Variants in GPC6 observed in about 807,000 individuals in gnomAD.
GPC6 encodes glypican-6.
A neutral mutation model predicts 55.2 loss-of-function variants in GPC6; 14 were observed. The observed-to-expected ratio is 0.25, with a 90% CI of 0.17 to 0.40. GPC6 has a LOEUF of 0.40. GPC6 is among the 10% of genes least tolerant of loss of function. The pLI is 1.00. For synonymous variants in GPC6, 278 were observed against 259.6 expected (o/e 1.07, Z -0.68); for missense variants, 641 against 708.5 (o/e 0.90, Z 1.08).
chr13:93,692,841 A>C (rs1296596029), intron 2 of GPC6, among the ~76,000 whole-genome samples: 1 of 152,020 alleles, frequency 6.6e-6, no homozygotes, highest in Non-Finnish European at 1.5e-5. Flanking sequence ...CATCTCTCTT[A>C]ATTTTAATTC....
intron 6 of GPC6, among the ~76,000 whole-genome samples, chr13:94,311,613 G>A (rs1056170547): frequency 2.0e-5 from 3 of 152,202 alleles, no homozygotes; most frequent in African/African-American, 7.2e-5. Context: ...AATCCAGGCA[G>A]TGATAACACA....
chr13:93,380,448 G>C (rs1050972441), intron 1 of GPC6, among the ~76,000 whole-genome samples: 1 of 152,150 alleles, frequency 6.6e-6, no homozygotes, highest in African/African-American at 2.4e-5. Flanking sequence ...ATACATCCCA[G>C]GGTGATGCGT....
intron 1 of GPC6, among the ~76,000 whole-genome samples, chr13:93,328,599 C>T (rs1879735386): frequency 6.6e-6 from 1 of 151,436 alleles, no homozygotes; most frequent in Admixed American, 6.6e-5. Flanking sequence ...CAATTGAGCC[C>T]AGGAGGTCAA....
intron 1 of GPC6, among the ~76,000 whole-genome samples, chr13:93,329,337 A>G (rs1050012367): frequency 6.6e-6 from 1 of 152,180 alleles, no homozygotes; most frequent in Non-Finnish European, 1.5e-5. Context: ...ACCCGTCACT[A>G]TTGGCAACTT....
intron 2 of GPC6, among the ~76,000 whole-genome samples, chr13:93,705,898 A>T (rs1032512279): frequency 6.7e-6 from 1 of 148,894 alleles, no homozygotes; most frequent in Admixed American, 6.7e-5. Flanking sequence ...TCTTGTAATT[A>T]TGTAATTTAA....
intron 6 of GPC6, among the ~76,000 whole-genome samples, chr13:94,325,529 T>C (rs952104298): frequency 1.3e-5 from 2 of 152,258 alleles, no homozygotes; most frequent in Admixed American, 6.5e-5. Flanking sequence ...TAGTATAATA[T>C]CAAGTAAATT....
intron 4 of GPC6, among the ~76,000 whole-genome samples, chr13:94,198,723 C>T (rs1221228584): frequency 6.6e-6 from 1 of 152,160 alleles, no homozygotes; most frequent in Non-Finnish European, 1.5e-5. Context: ...CAGCCTTCTG[C>T]CTGAACAACA....
At chr13:94,101,397 ATGG>A (rs1460968921) in intron 4 of GPC6, among the ~76,000 whole-genome samples, 1 of 152,214 alleles carries the variant, frequency 6.6e-6, no homozygotes, top group Non-Finnish European at 1.5e-5. Flanking sequence ...ACTTATGTCC[ATGG>A]ACTGTGATCA....
chr13:93,844,569 G>T (rs1307145207), intron 3 of GPC6, among the ~76,000 whole-genome samples: 1 of 150,784 alleles, frequency 6.6e-6, no homozygotes, highest in Non-Finnish European at 1.5e-5. Flanking sequence ...AGTAGGTTGC[G>T]AAAATTTTCT....
chr13:94,272,343 G>A (rs1342403547), intron 4 of GPC6, among the ~76,000 whole-genome samples: 1 of 151,848 alleles, frequency 6.6e-6, no homozygotes, highest in Non-Finnish European at 1.5e-5. Context: ...CAAAGGAGGA[G>A]AAATAGAAGA....
At chr13:94,171,216 G>T (rs1393363205) in intron 4 of GPC6, among the ~76,000 whole-genome samples, 1 of 152,114 alleles carries the variant, frequency 6.6e-6, no homozygotes, top group Non-Finnish European at 1.5e-5. Flanking sequence ...GCTACTGATG[G>T]TCTCAATAAA....
chr13:93,992,919 T>C (rs1881374335), intron 3 of GPC6, among the ~76,000 whole-genome samples: 1 of 152,202 alleles, frequency 6.6e-6, no homozygotes, highest in South Asian at 2.1e-4. Context: ...ACTCATCATT[T>C]CTCAGATCTC....
intron 6 of GPC6, among the ~76,000 whole-genome samples, chr13:94,335,583 T>C (rs1057245100): frequency 8.0e-6 from 1 of 125,410 alleles, no homozygotes; most frequent in African/African-American, 2.9e-5. Flanking sequence ...AAATGTCCCT[T>C]AAACACTGTT....
chr13:93,965,102 GTTTGT>G (rs1879971030), intron 3 of GPC6, among the ~76,000 whole-genome samples: 1 of 113,334 alleles, frequency 8.8e-6, no homozygotes, highest in African/African-American at 3.4e-5. Context: ...AACACTATGA[GTTTGT>G]TTTTTTTTTT....
At chr13:94,218,511 G>A (rs1572050) in intron 4 of GPC6, among the ~76,000 whole-genome samples, 21,932 of 152,052 alleles carry the variant, frequency 0.14, 2,088 homozygotes, top group African/African-American at 0.25. Context: ...TGCAGCTACA[G>A]CTCTCTGCTC....
At chr13:94,052,354 A>G (rs966369905) in intron 4 of GPC6, among the ~76,000 whole-genome samples, 1 of 152,136 alleles carries the variant, frequency 6.6e-6, no homozygotes, top group Non-Finnish European at 1.5e-5. Flanking sequence ...GTCTAACTAA[A>G]CCATAGCATG....
At chr13:93,868,817 G>A (rs924453939) in intron 3 of GPC6, among the ~76,000 whole-genome samples, 6 of 151,728 alleles carry the variant, frequency 4.0e-5, no homozygotes, top group Admixed American at 2.6e-4. Flanking sequence ...ACCCTCTTTC[G>A]AGTATATCTA....
intron 3 of GPC6, among the ~76,000 whole-genome samples, chr13:93,985,590 G>T (rs958259522): frequency 6.8e-5 from 10 of 146,232 alleles, no homozygotes; most frequent in African/African-American, 2.5e-4. Context: ...TACTCAGGAG[G>T]ATGAGGTGGG....
intron 1 of GPC6, among the ~76,000 whole-genome samples, chr13:93,322,600 C>A (rs1650173155): frequency 6.6e-6 from 1 of 151,474 alleles, no homozygotes; most frequent in South Asian, 2.1e-4. Context: ...CCATGCCCAG[C>A]TAATTTTTTT....
Sources: allele counts gnomAD v4.1 joint callset (sites outside exome capture counted in the v4.1 genomes callset), GRCh38; gene constraint gnomAD v4.1.1; transcripts MANE v1.5; gene names NCBI Gene and HGNC (gene_info 2026-07-23, HGNC 2026-07-21).